Variants in RASA1 observed in about 807,000 individuals in gnomAD.
The protein encoded by RASA1 is RAS p21 protein activator 1, also known as ras GTPase-activating protein 1.
In RASA1, 25 loss-of-function variants were observed where a neutral mutation model predicts 132.2. The observed-to-expected ratio is 0.19, with a 90% confidence interval of 0.14 to 0.26. The LOEUF is 0.26. Ranked by LOEUF, RASA1 falls within the 10% of genes least tolerant of loss-of-function variation. The pLI is 1.00. For missense variants in RASA1, 964 were observed against 1,299.2 expected (o/e 0.74, Z 3.97); for synonymous variants, 477 against 449.9 (o/e 1.06, Z -0.76).
At chr5:87,280,641 T>C (rs769371161) in intron 1 of RASA1, among the ~76,000 whole-genome samples, 1 of 152,188 alleles carries the variant, frequency 6.6e-6, no homozygotes, top group Non-Finnish European at 1.5e-5. Flanking sequence ...GCTTTTTCCA[T>C]CTGTATACCT....
At chr5:87,367,561 T>C (rs1760615895) in intron 11 of RASA1, among the ~76,000 whole-genome samples, 1 of 152,190 alleles carries the variant, frequency 6.6e-6, no homozygotes, top group Admixed American at 6.5e-5. Context: ...TTTTCAATAT[T>C]AAGAGATCTC....
At chr5:87,282,371 G>A (rs1361589079) in intron 1 of RASA1, among the ~76,000 whole-genome samples, 2 of 152,140 alleles carry the variant, frequency 1.3e-5, no homozygotes, top group East Asian at 3.8e-4. Context: ...TCTTTCAGAA[G>A]TTGAAAAATT....
In RASA1 at chr5:87,326,162, G is replaced by A. The variant is rs190785436; in HGVS notation, c.540-5186G>A. On this transcript the variant is annotated intron_variant, in intron 1 of 24. Transcript: ENST00000274376. ...AATTTTTGTATTTTTTGTAGAGATGGCGTTTTGCCATATTGCCTGGGTTGG... is the reference window on the plus strand; with the variant it reads ...AATTTTTGTATTTTTTGTAGAGATGACGTTTTGCCATATTGCCTGGGTTGG... 5.7e-3 allele frequency among the ~76,000 whole-genome samples: 875 copies of A among 152,176 alleles called. 7 individuals carry two copies. Among genetic ancestry groups the A allele is most frequent in the South Asian group, 7.7e-3 (37 of 4,824 alleles).
intron 1 of RASA1, among the ~76,000 whole-genome samples, chr5:87,302,526 T>C (rs1169698826): frequency 6.6e-6 from 1 of 151,100 alleles, no homozygotes; most frequent in African/African-American, 2.4e-5. Context: ...GTTAATTTTA[T>C]CAGTTTTTTC....
chr5:87,380,298 A>C (rs138298899), intron 19 of RASA1, among the ~76,000 whole-genome samples: 1 of 152,254 alleles, frequency 6.6e-6, no homozygotes. Context: ...AAATGTCAGG[A>C]AGTTGACTGA....
rs1269246605 is a variant in RASA1, at chr5:87,337,533, T to C, written c.900-441T>C. Among the ~76,000 whole-genome samples, 3 of 152,196 alleles carry C rather than the reference T, an allele frequency of 2.0e-5. No homozygotes were observed. In the East Asian group the frequency reaches 5.8e-4, roughly 29 times the overall value. ...CTGAAGTAACTCTATATCTTATGTATGTATAGTGTGTTAATTATATTTATT... is the reference window on the plus strand; with the variant it reads ...CTGAAGTAACTCTATATCTTATGTACGTATAGTGTGTTAATTATATTTATT... On this transcript the variant is annotated intron_variant, in intron 4 of 24. Transcript: ENST00000274376.
chr5:87,267,887 A>C lies in RASA1; in HGVS notation c.-565A>C, dbSNP rs896665704. ...CCTTTCTCTCTCTCCCGTTTCACTC[A>C]CTGAGAGCTCCAGGTAGTGAGCAGT... On this transcript the variant is annotated 5_prime_UTR_variant, in exon 1 of 25. Coordinates refer to ENST00000274376, the MANE Select transcript of RASA1 (RefSeq NM_002890.3). The C allele has an allele frequency of 1.3e-5, 5 of 385,734 alleles. No homozygotes were observed. The Admixed American group carries it at 1.4e-4, about 11-fold the overall frequency. The allele number at this position is 385,734 out of a possible 1,614,324, so 23.9% of individuals were successfully genotyped here.
chr5:87,272,374 G>C (rs183584114), intron 1 of RASA1, among the ~76,000 whole-genome samples: 4 of 152,204 alleles, frequency 2.6e-5, no homozygotes, highest in Non-Finnish European at 5.9e-5. Context: ...TCAACCCAGA[G>C]TCACTGGAGG....
At position 87,333,395 on chromosome 5, in the gene RASA1, T is replaced by C. The variant is rs1477481707; in HGVS notation, c.899+58T>C. 5.0e-6 allele frequency: 8 copies of C among 1,601,054 alleles called. No homozygotes were observed. In the Admixed American group the frequency reaches 1.2e-4, roughly 24 times the overall value. ...TTGAAAGAGCTAGACTTCGAAGATTTATTACTCTTGGACTAGGAAGCTTTT... is the reference window on the plus strand; with the variant it reads ...TTGAAAGAGCTAGACTTCGAAGATTCATTACTCTTGGACTAGGAAGCTTTT... On this transcript the variant is annotated intron_variant, in intron 4 of 24. Transcript: ENST00000274376.
chr5:87,358,005 G>T (rs1047578675), intron 9 of RASA1, among the ~76,000 whole-genome samples: 1 of 152,222 alleles, frequency 6.6e-6, no homozygotes, highest in African/African-American at 2.4e-5. Context: ...GAAGTTTGGG[G>T]AATAATAAAA....
At chr5:87,352,821 A>G (rs1253765394) in intron 8 of RASA1, among the ~76,000 whole-genome samples, 2 of 151,740 alleles carry the variant, frequency 1.3e-5, no homozygotes, top group African/African-American at 4.8e-5. Context: ...TATCTCATAT[A>G]TACTCTTGGG....
Position 87,383,711 on chromosome 5 carries a change from A to T in RASA1, c.2691-2A>T. 6.3e-7 allele frequency: 1 copy of T among 1,599,390 alleles called. No homozygotes were observed. The highest frequency in any genetic ancestry group is 8.5e-7 in the Non-Finnish European group (1 of 1,173,414). On this transcript the variant is annotated splice_acceptor_variant, in intron 20 of 24. Transcript: ENST00000274376. LOFTEE classifies it high-confidence loss of function. ...AAAAAAAAAAATTTCCCTCCCATTC[A>T]GTGGTTTTGTTTTTCTTCGACTCAT...
At chr5:87,390,626 G>A (rs1476156507) in intron 24 of RASA1, among the ~76,000 whole-genome samples, 174 bp from the exon 25 acceptor site, 1 of 152,084 alleles carries the variant, frequency 6.6e-6, no homozygotes, top group African/African-American at 2.4e-5. Context: ...TCTTAGTTAT[G>A]ACCAGAAATA....
chr5:87,270,349 TC>T (rs1035826216), intron 1 of RASA1, among the ~76,000 whole-genome samples: 1 of 151,194 alleles, frequency 6.6e-6, no homozygotes, highest in Non-Finnish European at 1.5e-5. Context: ...TTTTTTTTTT[TC>T]CTTCCCCCCA....
At chr5:87,309,643 C>G (rs865928273) in intron 1 of RASA1, among the ~76,000 whole-genome samples, 1 of 151,974 alleles carries the variant, frequency 6.6e-6, no homozygotes, top group Middle Eastern at 3.2e-3. Flanking sequence ...ACATGCACAT[C>G]TTGTATTTTG....
Position 87,341,282 on chromosome 5 carries a change from C to A in RASA1, c.1018-8C>A. The A allele has an allele frequency of 7.5e-7, 1 of 1,332,016 alleles. No homozygotes were observed. Among genetic ancestry groups the A allele is most frequent in the African/African-American group, 1.5e-5 (1 of 65,204 alleles). 82.5% of individuals were successfully genotyped at this position (1,332,016 alleles called of 1,614,324 possible). ...ATATAAAATACTGTCTTAATGTCTTCCCTTTAGGGCCGGGAAGAAGATCCA... is the reference window on the plus strand; with the variant it reads ...ATATAAAATACTGTCTTAATGTCTTACCTTTAGGGCCGGGAAGAAGATCCA... On this transcript the variant is annotated splice_polypyrimidine_tract_variant and splice_region_variant and intron_variant, in intron 5 of 24. Transcript: ENST00000274376.
intron 10 of RASA1, among the ~76,000 whole-genome samples, chr5:87,362,890 T>C (rs1011352941): frequency 1.3e-5 from 2 of 151,542 alleles, no homozygotes; most frequent in Admixed American, 6.6e-5. Flanking sequence ...TGGTTTCTTT[T>C]TTTCTTTCTT....
At chr5:87,308,558 C>A (rs962396734) in intron 1 of RASA1, among the ~76,000 whole-genome samples, 1 of 151,832 alleles carries the variant, frequency 6.6e-6, no homozygotes, top group Admixed American at 6.6e-5. Flanking sequence ...GTCTTTACTC[C>A]CTCATACCTC....
intron 9 of RASA1, among the ~76,000 whole-genome samples, chr5:87,354,008 A>T (rs530299428): frequency 6.6e-6 from 1 of 152,224 alleles, no homozygotes; most frequent in South Asian, 2.1e-4. Context: ...GACATAAAGG[A>T]TTATTAAGGG....
Sources: allele counts gnomAD v4.1 joint callset (sites outside exome capture counted in the v4.1 genomes callset), GRCh38; gene constraint gnomAD v4.1.1; transcripts MANE v1.5; gene names NCBI Gene and HGNC (gene_info 2026-07-23, HGNC 2026-07-21).